The following RORA variants were observed in gnomAD, a reference collection of about 807,000 sequenced individuals.
RORA encodes nuclear receptor ROR-alpha.
Under a neutral mutation model 69.5 loss-of-function variants are expected in RORA, and 7 were observed. The observed-to-expected ratio is 0.10, with a 90% CI of 0.06 to 0.19. RORA has a LOEUF of 0.19. Among genes scored for constraint, RORA ranks in the 10% least tolerant of loss-of-function variants. The probability of loss-of-function intolerance (pLI) is 1.00; values close to 1 mark genes in which losing one functional copy is unlikely to be tolerated. For missense variants in RORA, 457 were observed against 663.0 expected (o/e 0.69, Z 3.41); for synonymous variants, 261 against 240.8 (o/e 1.08, Z -0.78).
In RORA at chr15:60,687,506, T is replaced by C. The variant is rs572022421; in HGVS notation, c.167-8820A>G. On this transcript the variant is annotated intron_variant, in intron 1 of 10. Transcript: ENST00000335670. The stretch of plus-strand genomic sequence containing the variant: ...GAAAGTAGCCATCAAGATACTTCTC[T>C]TGGGAGGCCGAGGCGGGCAGATCAC... Among the ~76,000 whole-genome samples the C allele has an allele frequency of 2.6e-5, 4 of 152,324 alleles. No homozygotes were observed. In the South Asian group the frequency reaches 8.3e-4, roughly 32 times the overall value.
chr15:60,659,109 C>A (rs1411067259), intron 2 of RORA, among the ~76,000 whole-genome samples: 1 of 152,106 alleles, frequency 6.6e-6, no homozygotes, highest in Non-Finnish European at 1.5e-5. Flanking sequence ...AAATCATGTT[C>A]AATAAAAGAA....
chr15:61,138,832 T>TA lies in RORA; in HGVS notation c.166+90220dup, dbSNP rs201293768. ...GACAGGGACACTGCATAAAATAAAA[T>TA]AAAAAAATAAATTAAATTTAAAAAA... is the stretch of plus-strand genomic sequence containing the variant. On this transcript the variant is annotated intron_variant, in intron 1 of 10. Coordinates refer to ENST00000335670, the MANE Select transcript of RORA (RefSeq NM_134261.3). Among the ~76,000 whole-genome samples the TA allele has an allele frequency of 3.3e-4, 50 of 151,422 alleles. 1 individual carries two copies. The highest frequency in any genetic ancestry group is 1.2e-3 in the African/African-American group (49 of 41,038).
chr15:60,769,756 G>C (rs933363636), intron 1 of RORA, among the ~76,000 whole-genome samples: 3 of 152,178 alleles, frequency 2.0e-5, no homozygotes, highest in Admixed American at 1.3e-4. Context: ...GCTCCTGAAT[G>C]TTCTCTGACC....
chr15:60,591,994 G>A (rs2140522490), intron 2 of RORA, among the ~76,000 whole-genome samples: 2 of 152,042 alleles, frequency 1.3e-5, no homozygotes, highest in East Asian at 3.9e-4. Context: ...CCCGGGTGCG[G>A]GCCCTGGGGA....
At chr15:60,604,230 A>G (rs2068893301) in intron 2 of RORA, among the ~76,000 whole-genome samples, 1 of 151,924 alleles carries the variant, frequency 6.6e-6, no homozygotes, top group South Asian at 2.1e-4. Flanking sequence ...AGCTGAAACA[A>G]GAGGGCAGAA....
chr15:60,605,695 T>C (rs903026976), intron 2 of RORA, among the ~76,000 whole-genome samples: 2 of 152,212 alleles, frequency 1.3e-5, no homozygotes, highest in Admixed American at 1.3e-4. Context: ...AAGGTAAGTT[T>C]GTATATTTGA....
chr15:60,812,121 C>A (rs1472836029), intron 1 of RORA, among the ~76,000 whole-genome samples: 1 of 152,166 alleles, frequency 6.6e-6, no homozygotes, highest in Non-Finnish European at 1.5e-5. Flanking sequence ...TGTTTGACCC[C>A]AGAAAATCTG....
chr15:61,012,941 C>T (rs766806838), intron 1 of RORA, among the ~76,000 whole-genome samples: 20 of 152,166 alleles, frequency 1.3e-4, no homozygotes, highest in Non-Finnish European at 2.2e-4. Flanking sequence ...TGAGCCACCG[C>T]GCTCCCAGCC....
chr15:60,884,791 C>G (rs1475866832), intron 1 of RORA, among the ~76,000 whole-genome samples: 1 of 152,188 alleles, frequency 6.6e-6, no homozygotes, highest in Non-Finnish European at 1.5e-5. Context: ...AAATCCTTTC[C>G]TCCTTCATTT....
chr15:60,834,482 T>C (rs973159065), intron 1 of RORA, among the ~76,000 whole-genome samples: 1 of 152,164 alleles, frequency 6.6e-6, no homozygotes, highest in Non-Finnish European at 1.5e-5. Context: ...AAGAAGTGGC[T>C]TCTACTCAGC....
intron 1 of RORA, among the ~76,000 whole-genome samples, chr15:61,011,176 C>T (rs1344165579): frequency 2.0e-5 from 3 of 152,114 alleles, no homozygotes; most frequent in Admixed American, 1.3e-4. Flanking sequence ...TTGTCATTTC[C>T]TTCCTCTCTC....
chr15:60,823,551 T>A (rs917193424), intron 1 of RORA, among the ~76,000 whole-genome samples: 2 of 152,196 alleles, frequency 1.3e-5, no homozygotes, highest in Non-Finnish European at 2.9e-5. Flanking sequence ...ATACACATAA[T>A]CAACAAATGG....
At chr15:61,054,200 T>C (rs2078057324) in intron 1 of RORA, among the ~76,000 whole-genome samples, 1 of 152,066 alleles carries the variant, frequency 6.6e-6, no homozygotes, top group East Asian at 1.9e-4. Flanking sequence ...TCATACTTAA[T>C]TGTTGCTTTT....
chr15:61,152,415 T>C (rs1286662539), intron 1 of RORA, among the ~76,000 whole-genome samples: 2 of 151,894 alleles, frequency 1.3e-5, no homozygotes, highest in African/African-American at 4.8e-5. Flanking sequence ...AAATCAAACA[T>C]GTTTATGAGC....
Position 60,492,506 on chromosome 15 carries a change from T to C in RORA, c.*4949A>G, listed in dbSNP as rs145597706. The stretch of plus-strand genomic sequence containing the variant: ...CATGAAAACAATAGTTAATTGCTGG[T>C]ATTTTAAAAACATATTTCATCTTTT... On this transcript the variant is annotated 3_prime_UTR_variant, in exon 11 of 11. Coordinates refer to ENST00000335670, the MANE Select transcript of RORA (RefSeq NM_134261.3). 6.6e-6 allele frequency: 1 copy of C among 152,312 alleles called. No individual in the cohort carries two copies. Among genetic ancestry groups the C allele is most frequent in the East Asian group, 1.9e-4 (1 of 5,194 alleles). 9.4% of individuals were successfully genotyped at this position (152,312 alleles called of 1,614,324 possible). A position where few individuals can be genotyped will look rare whatever the true frequency, so the allele number is the denominator to read the frequency against.
chr15:60,918,671 T>C (rs1891950430), intron 1 of RORA, among the ~76,000 whole-genome samples: 1 of 152,200 alleles, frequency 6.6e-6, no homozygotes, highest in African/African-American at 2.4e-5. Context: ...ACCTTGGAGA[T>C]ATCAGAAATA....
Position 60,963,115 on chromosome 15 carries a change from C to T in RORA, c.166+265938G>A, listed in dbSNP as rs187649418. ...CTACATGCATATGCATGGTACATAG[C>T]GTAATTCTCAAGCTTATGAGGCAGA... is the stretch of plus-strand genomic sequence containing the variant. On this transcript the variant is annotated intron_variant, in intron 1 of 10. Transcript: ENST00000335670. Among the ~76,000 whole-genome samples, 140 of 152,326 alleles carry T rather than the reference C, an allele frequency of 9.2e-4. 1 individual carries two copies. The highest frequency in any genetic ancestry group is 6.8e-3 in the Middle Eastern group (2 of 294).
intron 2 of RORA, chr15:60,558,299 G>A (rs201202998): frequency 6.2e-6 from 10 of 1,611,036 alleles, no homozygotes; most frequent in African/African-American, 1.3e-5. Context: ...ATCCCAAAAA[G>A]TTCATCCCTG....
intron 1 of RORA, among the ~76,000 whole-genome samples, chr15:60,891,699 CCTGCTATT>C (rs1053677254): frequency 2.0e-5 from 3 of 152,188 alleles, no homozygotes; most frequent in African/African-American, 7.2e-5. Flanking sequence ...AGCCTCATTT[CCTGCTATT>C]CTGCACGTGA....
Sources: gnomAD v4.1 joint callset for allele counts (sites outside exome capture counted in the v4.1 genomes callset) on GRCh38, gnomAD v4.1.1 for gene constraint, MANE v1.5 for transcripts, NCBI Gene and HGNC (gene_info 2026-07-23, HGNC 2026-07-21) for gene names.